ELOVL7: variants seen among roughly 807,000 people sequenced by gnomAD.
The protein encoded by ELOVL7 is ELOVL fatty acid elongase 7.
In ELOVL7, 27 loss-of-function variants were observed where a neutral mutation model predicts 35.7. The ratio of observed to expected loss-of-function variants is 0.76; its 90% CI spans 0.56 to 1.04. ELOVL7 has a LOEUF of 1.04. ELOVL7 is among the 50% of genes least tolerant of loss of function. The probability of loss-of-function intolerance (pLI) is 0.00; values close to 1 mark genes in which losing one functional copy is unlikely to be tolerated. For missense variants in ELOVL7, 327 were observed against 340.8 expected (o/e 0.96, Z 0.32); for synonymous variants, 113 against 114.6 (o/e 0.99, Z 0.09).
At chr5:60,784,989 TG>T (rs752743056) in intron 3 of ELOVL7, among the ~76,000 whole-genome samples, 2 of 152,206 alleles carry the variant, frequency 1.3e-5, no homozygotes, top group Non-Finnish European at 2.9e-5. Context: ...CTTTCATGTA[TG>T]TTATCTGGTA....
At chr5:60,824,090 C>T (rs1746032887) in intron 1 of ELOVL7, among the ~76,000 whole-genome samples, 1 of 151,866 alleles carries the variant, frequency 6.6e-6, no homozygotes, top group African/African-American at 2.4e-5. Context: ...AAAATTCAGA[C>T]ACTACCTGGG....
chr5:60,798,952 T>C (rs989364415), intron 2 of ELOVL7, among the ~76,000 whole-genome samples: 4 of 152,212 alleles, frequency 2.6e-5, no homozygotes, highest in East Asian at 1.9e-4. Context: ...AGATGATATA[T>C]TGAGCCACAA....
At chr5:60,773,693 T>C (rs774586582) in intron 3 of ELOVL7, among the ~76,000 whole-genome samples, 94 of 152,316 alleles carry the variant, frequency 6.2e-4, no homozygotes, top group African/African-American at 2.2e-3. Context: ...CAAATGTTGA[T>C]AGGAAAACTG....
At chr5:60,810,164 G>T (rs752387824) in intron 1 of ELOVL7, among the ~76,000 whole-genome samples, 4 of 152,164 alleles carry the variant, frequency 2.6e-5, no homozygotes, top group Non-Finnish European at 5.9e-5. Flanking sequence ...AATGTTTTAG[G>T]TACTTAAGAA....
At chr5:60,770,355 T>C (rs981801848) in intron 4 of ELOVL7, among the ~76,000 whole-genome samples, 1 of 152,174 alleles carries the variant, frequency 6.6e-6, no homozygotes, top group African/African-American at 2.4e-5. Flanking sequence ...GAGAGACTAT[T>C]TGGTTCAATC....
At chr5:60,809,920 C>T (rs185933249) in intron 1 of ELOVL7, among the ~76,000 whole-genome samples, 30 of 152,238 alleles carry the variant, frequency 2.0e-4, no homozygotes, top group Admixed American at 9.2e-4. Flanking sequence ...GGGATGCAAC[C>T]TATGAGGTGG....
intron 2 of ELOVL7, among the ~76,000 whole-genome samples, chr5:60,791,928 C>T (rs767510044): frequency 2.6e-5 from 4 of 152,128 alleles, no homozygotes; most frequent in Non-Finnish European, 5.9e-5. Flanking sequence ...TCTTCTTTCA[C>T]TGCCTCCACA....
At chr5:60,830,885 T>C (rs995293269) in intron 1 of ELOVL7, among the ~76,000 whole-genome samples, 8 of 152,180 alleles carry the variant, frequency 5.3e-5, no homozygotes, top group African/African-American at 1.9e-4. Context: ...GAGAATTGAT[T>C]ATGGGAATAC....
At chr5:60,823,662 G>T (rs910393016) in intron 1 of ELOVL7, among the ~76,000 whole-genome samples, 4 of 152,178 alleles carry the variant, frequency 2.6e-5, no homozygotes, top group African/African-American at 9.7e-5. Context: ...ATTAGTGAAA[G>T]AATAGAATAG....
chr5:60,823,522 T>C lies in ELOVL7; in HGVS notation c.-86+20638A>G, dbSNP rs149439544. Among the ~76,000 whole-genome samples the C allele has an allele frequency of 1.9e-3, 290 of 152,288 alleles. 1 individual carries two copies. The highest frequency in any genetic ancestry group is 6.3e-3 in the African/African-American group (260 of 41,552). On this transcript the variant is annotated intron_variant, in intron 1 of 8. Coordinates refer to ENST00000508821, the MANE Select transcript of ELOVL7 (RefSeq NM_024930.3). ...CTTATCTAAGCCCTAATTAAATGTA[T>C]AGTTGACTAAATGGGGACTAAAAAT...
At chr5:60,830,721 G>A (rs1387102708) in intron 1 of ELOVL7, among the ~76,000 whole-genome samples, 1 of 150,342 alleles carries the variant, frequency 6.7e-6, no homozygotes, top group Admixed American at 6.7e-5. Context: ...GTATATTTCA[G>A]TATTAATGAA....
chr5:60,804,365 A>G (rs1180284350), intron 1 of ELOVL7, among the ~76,000 whole-genome samples: 1 of 152,132 alleles, frequency 6.6e-6, no homozygotes, highest in Non-Finnish European at 1.5e-5. Flanking sequence ...AGAGTCAGAG[A>G]ATCTTTAGGG....
At chr5:60,843,189 A>C (rs1379784655) in intron 1 of ELOVL7, among the ~76,000 whole-genome samples, 1 of 152,134 alleles carries the variant, frequency 6.6e-6, no homozygotes, top group Non-Finnish European at 1.5e-5. Context: ...CGGGTCGCTA[A>C]AACTGTTCTT....
intron 2 of ELOVL7, among the ~76,000 whole-genome samples, chr5:60,798,714 A>C (rs1165181306): frequency 6.6e-6 from 1 of 152,232 alleles, no homozygotes; most frequent in Non-Finnish European, 1.5e-5. Flanking sequence ...TAATGCAAAG[A>C]TTAATAGATC....
At chr5:60,796,459 T>C (rs532650571) in intron 2 of ELOVL7, among the ~76,000 whole-genome samples, 4 of 152,312 alleles carry the variant, frequency 2.6e-5, no homozygotes, top group African/African-American at 9.6e-5. Flanking sequence ...CAACTTGGCT[T>C]CCATCCACGA....
At chr5:60,832,681 G>C (rs1302750316) in intron 1 of ELOVL7, among the ~76,000 whole-genome samples, 1 of 148,474 alleles carries the variant, frequency 6.7e-6, no homozygotes, top group African/African-American at 2.5e-5. Context: ...TTTTTTTTTT[G>C]AGAGTGCAGA....
At chr5:60,761,849 T>A (rs1364407678) in intron 7 of ELOVL7, among the ~76,000 whole-genome samples, 1 of 152,104 alleles carries the variant, frequency 6.6e-6, no homozygotes, top group Non-Finnish European at 1.5e-5. Context: ...ATTATAATAA[T>A]GTTTATATAC....
chr5:60,835,109 G>A (rs892430665), intron 1 of ELOVL7, among the ~76,000 whole-genome samples: 9 of 150,690 alleles, frequency 6.0e-5, no homozygotes, highest in Non-Finnish European at 1.2e-4. Context: ...AGGATCAATT[G>A]AGCCCGGGAG....
At chr5:60,827,341 T>G (rs1288174360) in intron 1 of ELOVL7, among the ~76,000 whole-genome samples, 1 of 152,216 alleles carries the variant, frequency 6.6e-6, no homozygotes, top group Non-Finnish European at 1.5e-5. Context: ...TTCCTCAATG[T>G]AGGTTCCTCC....
Sources: gnomAD v4.1 joint callset for allele counts (sites outside exome capture counted in the v4.1 genomes callset) on GRCh38, gnomAD v4.1.1 for gene constraint, MANE v1.5 for transcripts, NCBI Gene and HGNC (gene_info 2026-07-23, HGNC 2026-07-21) for gene names.